Variants in PLD5 observed in about 807,000 individuals in gnomAD.
The protein encoded by PLD5 is inactive phospholipase D5.
A neutral mutation model predicts 61.1 loss-of-function variants in PLD5; 36 were observed. The ratio of observed to expected loss-of-function variants is 0.59; its 90% CI spans 0.45 to 0.78. The LOEUF is 0.78. Among genes scored for constraint, PLD5 ranks in the 30% least tolerant of loss-of-function variants. The probability of loss-of-function intolerance (pLI) is 0.00; values close to 1 mark genes in which losing one functional copy is unlikely to be tolerated. For missense variants in PLD5, 515 were observed against 644.4 expected, an observed-to-expected ratio of 0.80 and a Z score of 2.17; for synonymous variants, 243 against 242.8, an observed-to-expected ratio of 1.00 and a Z score of -0.01.
intron 5 of PLD5, among the ~76,000 whole-genome samples, chr1:242,191,559 C>A (rs1668288593): frequency 6.6e-6 from 1 of 151,796 alleles, no homozygotes; most frequent in African/African-American, 2.4e-5. Flanking sequence ...GCACTCCAGC[C>A]TGGGCAATGG....
intron 5 of PLD5, among the ~76,000 whole-genome samples, chr1:242,150,986 T>C (rs1456605800): frequency 6.6e-6 from 1 of 151,778 alleles, no homozygotes; most frequent in African/African-American, 2.4e-5. Flanking sequence ...GTGGTTTGAG[T>C]TGTTGCCCTA....
At chr1:242,503,272 C>T (rs1327185045) in intron 1 of PLD5, among the ~76,000 whole-genome samples, 1 of 152,046 alleles carries the variant, frequency 6.6e-6, no homozygotes, top group Non-Finnish European at 1.5e-5. Flanking sequence ...AGTGAGATCA[C>T]GCGAGATCTG....
intron 2 of PLD5, among the ~76,000 whole-genome samples, chr1:242,325,560 C>T (rs1232527699): frequency 2.0e-5 from 3 of 151,916 alleles, no homozygotes; most frequent in Admixed American, 6.5e-5. Flanking sequence ...TGCAGTGGCG[C>T]GATCTCGGCT....
At position 242,083,822 on chromosome 1, in the gene PLD5, C is replaced by G. The variant is rs1659345851; in HGVS notation, c.*6032G>C. 6.6e-6 allele frequency: 1 copy of G among 152,048 alleles called. No homozygotes were observed. The highest frequency in any genetic ancestry group is 2.4e-5 in the African/African-American group (1 of 41,398). The allele number at this position is 152,048 out of a possible 1,614,324, so 9.4% of individuals were successfully genotyped here. A position where few individuals can be genotyped will look rare whatever the true frequency, so the allele number is the denominator to read the frequency against. On this transcript the variant is annotated 3_prime_UTR_variant, in exon 10 of 10. Transcript: ENST00000536534. ...TATATTGGAAAGTAACATATAATTT[C>G]AACGTTTTTAATCCTGGGAATTGAG... is the stretch of plus-strand genomic sequence containing the variant.
intron 5 of PLD5, among the ~76,000 whole-genome samples, chr1:242,183,158 G>T (rs1265578050): frequency 1.3e-5 from 2 of 152,180 alleles, no homozygotes; most frequent in African/African-American, 4.8e-5. Flanking sequence ...CTGAGGATGA[G>T]TTCAGACCCA....
chr1:242,199,027 C>A (rs547405008), intron 5 of PLD5, among the ~76,000 whole-genome samples: 12 of 152,174 alleles, frequency 7.9e-5, no homozygotes, highest in Non-Finnish European at 1.5e-4. Context: ...AGCCACTGTG[C>A]CCTGCCTCAT....
chr1:242,301,393 T>C (rs1392492838), intron 2 of PLD5, among the ~76,000 whole-genome samples: 8 of 152,160 alleles, frequency 5.3e-5, no homozygotes. Context: ...CACCTGAAAA[T>C]ATGCCACTTT....
At chr1:242,170,635 A>G (rs1176896006) in intron 5 of PLD5, among the ~76,000 whole-genome samples, 1 of 152,214 alleles carries the variant, frequency 6.6e-6, no homozygotes, top group African/African-American at 2.4e-5. Context: ...TTCTAACCCA[A>G]TGCAAGGAAG....
upstream of PLD5, among the ~76,000 whole-genome samples, chr1:242,529,027 A>G (rs1481934642): frequency 6.6e-6 from 1 of 152,220 alleles, no homozygotes; most frequent in Non-Finnish European, 1.5e-5. Flanking sequence ...CATTGACCCA[A>G]GAATGGCTCT....
Position 242,089,586 on chromosome 1 carries a change from A to T in PLD5, c.*268T>A, listed in dbSNP as rs774573157. 1 of 545,508 alleles carries T rather than the reference A, an allele frequency of 1.8e-6. No individual in the cohort carries two copies. Among genetic ancestry groups the T allele is most frequent in the Non-Finnish European group, 3.2e-6 (1 of 314,378 alleles). The allele number at this position is 545,508 out of a possible 1,614,324, so 33.8% of individuals were successfully genotyped here. ...TAAAACTAGAAAGGAGCAGGAATGA[A>T]AGTCTTAAAATTTGTATGCAAACGT... On this transcript the variant is annotated 3_prime_UTR_variant, in exon 10 of 10. Transcript: ENST00000536534.
At chr1:242,150,270 T>C (rs1054172657) in intron 5 of PLD5, among the ~76,000 whole-genome samples, 3 of 151,702 alleles carry the variant, frequency 2.0e-5, no homozygotes, top group Admixed American at 2.0e-4. Context: ...TTAAATATAA[T>C]ATCTGTTGTA....
chr1:242,423,797 T>C (rs1384139404), intron 1 of PLD5, among the ~76,000 whole-genome samples: 1 of 151,980 alleles, frequency 6.6e-6, no homozygotes, highest in Non-Finnish European at 1.5e-5. Flanking sequence ...CTGCTCCCCC[T>C]CCACTGCCTA....
intron 1 of PLD5, among the ~76,000 whole-genome samples, chr1:242,478,633 G>T (rs867555602): frequency 6.6e-6 from 1 of 152,130 alleles, no homozygotes; most frequent in Non-Finnish European, 1.5e-5. Context: ...CAATCACTTC[G>T]CAAGGAGCAC....
intron 5 of PLD5, among the ~76,000 whole-genome samples, chr1:242,194,809 TA>T (rs1194395230): frequency 2.0e-5 from 3 of 152,084 alleles, no homozygotes; most frequent in Non-Finnish European, 4.4e-5. Context: ...TTCTCACTCA[TA>T]AGTGGGAGCC....
At chr1:242,166,498 G>A (rs1666314528) in intron 5 of PLD5, among the ~76,000 whole-genome samples, 2 of 151,876 alleles carry the variant, frequency 1.3e-5, no homozygotes, top group Admixed American at 1.3e-4. Context: ...ACACCCTGAT[G>A]GGAGCACTGC....
intron 1 of PLD5, among the ~76,000 whole-genome samples, chr1:242,478,718 TAA>T (rs1175238085): frequency 1.3e-5 from 2 of 152,140 alleles, no homozygotes; most frequent in East Asian, 3.9e-4. Flanking sequence ...CGGGCAGATG[TAA>T]AGAGTTGTAA....
intron 4 of PLD5, among the ~76,000 whole-genome samples, chr1:242,261,232 A>C (rs1447372285): frequency 6.6e-6 from 1 of 152,256 alleles, no homozygotes; most frequent in Non-Finnish European, 1.5e-5. Context: ...AAATACAGTC[A>C]CCTAATTTTT....
At chr1:242,173,607 T>A (rs988504570) in intron 5 of PLD5, among the ~76,000 whole-genome samples, 9 of 152,172 alleles carry the variant, frequency 5.9e-5, no homozygotes, top group East Asian at 1.9e-4. Flanking sequence ...AAGCCAAAAG[T>A]ACAAAGCTGG....
chr1:242,519,214 C>T (rs1362785560), intron 1 of PLD5, among the ~76,000 whole-genome samples: 1 of 152,158 alleles, frequency 6.6e-6, no homozygotes. Flanking sequence ...TGGATCTGCT[C>T]CGTGGGACAA....
Sources: gnomAD v4.1 joint callset for allele counts (sites outside exome capture counted in the v4.1 genomes callset) on GRCh38, gnomAD v4.1.1 for gene constraint, MANE v1.5 for transcripts, NCBI Gene and HGNC (gene_info 2026-07-23, HGNC 2026-07-21) for gene names.